The following NRXN1 variants were observed in gnomAD, a reference collection of about 807,000 sequenced individuals.
NRXN1 encodes neurexin 1.
In NRXN1, 39 loss-of-function variants were observed where a neutral mutation model predicts 150.9. The observed-to-expected ratio is 0.26, with a 90% CI of 0.20 to 0.34. The LOEUF (loss-of-function observed/expected upper bound fraction) is 0.34, where lower values mean the gene tolerates loss of function less well. Among genes scored for constraint, NRXN1 ranks in the 10% least tolerant of loss-of-function variants. The pLI is 1.00. For synonymous variants in NRXN1, 924 were observed against 757.0 expected (o/e 1.22, Z -3.62); for missense variants, 1,815 against 1,949.9 (o/e 0.93, Z 1.30).
intron 18 of NRXN1, among the ~76,000 whole-genome samples, chr2:50,179,857 G>A (rs550906415): frequency 6.6e-6 from 1 of 152,034 alleles, no homozygotes; most frequent in African/African-American, 2.4e-5. Context: ...GATCGAAACT[G>A]CCTGCTGCTC....
intron 5 of NRXN1, among the ~76,000 whole-genome samples, chr2:50,753,972 GGC>G (rs1276190982): frequency 5.2e-5 from 7 of 135,182 alleles, no homozygotes; most frequent in South Asian, 2.7e-4. Flanking sequence ...TTTGGGGGGG[GGC>G]GGAATTCCCA....
At chr2:50,808,871 C>T (rs534012582) in intron 5 of NRXN1, among the ~76,000 whole-genome samples, 1 of 152,172 alleles carries the variant, frequency 6.6e-6, no homozygotes, top group Non-Finnish European at 1.5e-5. Context: ...ACTTACTAAA[C>T]AATTAGGCAA....
Position 51,019,411 on chromosome 2 carries a change from T to C in NRXN1, c.772+8091A>G, listed in dbSNP as rs187365204. On this transcript the variant is annotated intron_variant, in intron 2 of 22. Coordinates refer to ENST00000401669, the MANE Select transcript of NRXN1 (RefSeq NM_001330078.2). The stretch of plus-strand genomic sequence containing the variant: ...AAATAGTAATTTTAATAAAAACTAC[T>C]GTGATTTTTAACAGAATGATTTTAA... Among the ~76,000 whole-genome samples the C allele has an allele frequency of 9.9e-5, 15 of 152,250 alleles. No individual in the cohort carries two copies. The East Asian group carries it at 2.3e-3, about 24-fold the overall frequency.
chr2:50,066,991 A>G (rs1252630407), intron 19 of NRXN1, among the ~76,000 whole-genome samples: 1 of 152,236 alleles, frequency 6.6e-6, no homozygotes, highest in Non-Finnish European at 1.5e-5. Context: ...GAGTTCTGTC[A>G]GTCATTCTCA....
intron 12 of NRXN1, among the ~76,000 whole-genome samples, chr2:50,518,314 C>G (rs2092686208): frequency 6.6e-6 from 1 of 151,886 alleles, no homozygotes; most frequent in Admixed American, 6.6e-5. Flanking sequence ...ACAATTCAGA[C>G]TGTGATTTTA....
chr2:50,872,881 T>C (rs2106108019), intron 5 of NRXN1, among the ~76,000 whole-genome samples: 1 of 151,940 alleles, frequency 6.6e-6, no homozygotes, highest in East Asian at 2.0e-4. Context: ...ATTTACACGG[T>C]CAACAATCAA....
chr2:50,380,966 T>C lies in NRXN1; in HGVS notation c.3364+84476A>G, dbSNP rs188180068. Among the ~76,000 whole-genome samples the C allele has an allele frequency of 3.4e-3, 518 of 152,270 alleles. 2 individuals are homozygous for C. Among genetic ancestry groups the C allele is most frequent in the Non-Finnish European group, 5.2e-3 (356 of 67,998 alleles). ...CTCTCATGTGGGCCACTACCAGATC[T>C]GTACTTCCTCTATCATAGCAGCAAT... On this transcript the variant is annotated intron_variant, in intron 17 of 22. Coordinates refer to ENST00000401669, the MANE Select transcript of NRXN1 (RefSeq NM_001330078.2).
At chr2:50,783,148 T>C (rs1180575669) in intron 5 of NRXN1, among the ~76,000 whole-genome samples, 1 of 152,174 alleles carries the variant, frequency 6.6e-6, no homozygotes, top group African/African-American at 2.4e-5. Context: ...GATTGAATTC[T>C]AGTTTAAAAA....
At chr2:50,079,957 T>A (rs1697700205) in intron 19 of NRXN1, among the ~76,000 whole-genome samples, 1 of 152,108 alleles carries the variant, frequency 6.6e-6, no homozygotes, top group Non-Finnish European at 1.5e-5. Context: ...ATTTTAGAAA[T>A]AAGCAATTCA....
chr2:50,874,166 A>T (rs577186564), intron 5 of NRXN1, among the ~76,000 whole-genome samples: 5 of 152,002 alleles, frequency 3.3e-5, no homozygotes, highest in Admixed American at 1.3e-4. Flanking sequence ...TTTGCAAAGA[A>T]TGACTCTCTT....
chr2:50,509,441 A>C (rs550958253), intron 12 of NRXN1, among the ~76,000 whole-genome samples: 2 of 152,280 alleles, frequency 1.3e-5, no homozygotes, highest in African/African-American at 4.8e-5. Context: ...TAAAGATATG[A>C]CACAGAAGAA....
At chr2:50,365,464 T>G (rs2079520109) in intron 17 of NRXN1, among the ~76,000 whole-genome samples, 1 of 152,052 alleles carries the variant, frequency 6.6e-6, no homozygotes, top group Non-Finnish European at 1.5e-5. Context: ...TTGTAAAGGT[T>G]TATCACTTAT....
intron 18 of NRXN1, among the ~76,000 whole-genome samples, chr2:50,185,313 G>C (rs1342323370): frequency 2.0e-5 from 3 of 152,036 alleles, no homozygotes; most frequent in African/African-American, 7.2e-5. Flanking sequence ...TGGTGTTTAA[G>C]AGCACAAACT....
intron 5 of NRXN1, among the ~76,000 whole-genome samples, chr2:50,828,914 G>A (rs1309629250): frequency 1.3e-5 from 2 of 152,190 alleles, no homozygotes; most frequent in Admixed American, 6.5e-5. Context: ...CCAAGATCAC[G>A]CCACTGCACT....
chr2:50,172,575 C>T (rs918098468), intron 18 of NRXN1, among the ~76,000 whole-genome samples: 1 of 152,200 alleles, frequency 6.6e-6, no homozygotes, highest in Non-Finnish European at 1.5e-5. Context: ...CTAAAATTGG[C>T]AATTCTAGAG....
chr2:50,340,075 G>A (rs568667831), intron 17 of NRXN1, among the ~76,000 whole-genome samples: 19 of 152,270 alleles, frequency 1.2e-4, no homozygotes, highest in African/African-American at 3.4e-4. Context: ...TTAATTAGGT[G>A]AACCTGACAT....
chr2:50,247,309 A>C (rs951749680), intron 17 of NRXN1, among the ~76,000 whole-genome samples: 1 of 152,088 alleles, frequency 6.6e-6, no homozygotes, highest in Non-Finnish European at 1.5e-5. Flanking sequence ...CTCACAGTTC[A>C]CTTGAATAGC....
intron 18 of NRXN1, among the ~76,000 whole-genome samples, chr2:50,135,027 A>G (rs1297183081): frequency 6.6e-6 from 1 of 152,212 alleles, no homozygotes; most frequent in Non-Finnish European, 1.5e-5. Context: ...TCAGACAAGA[A>G]AGCAAGAATA....
chr2:50,693,492 C>CA (rs1450445408), intron 5 of NRXN1, among the ~76,000 whole-genome samples: 5 of 152,066 alleles, frequency 3.3e-5, no homozygotes, highest in African/African-American at 1.2e-4. Flanking sequence ...CTCCTGCCTA[C>CA]AATTGCGTGC....
Sources: gnomAD v4.1 joint callset for allele counts (sites outside exome capture counted in the v4.1 genomes callset) on GRCh38, gnomAD v4.1.1 for gene constraint, MANE v1.5 for transcripts, NCBI Gene and HGNC (gene_info 2026-07-23, HGNC 2026-07-21) for gene names.